ATXN10: variants seen among roughly 807,000 people sequenced by gnomAD.
The protein encoded by ATXN10 is ataxin 10, also known as ataxin-10.
Under a neutral mutation model 52.9 loss-of-function variants are expected in ATXN10, and 28 were observed. The observed-to-expected ratio is 0.53, with a 90% CI of 0.39 to 0.73. ATXN10 has a LOEUF of 0.73. Among genes scored for constraint, ATXN10 ranks in the 30% least tolerant of loss-of-function variants. The probability of loss-of-function intolerance (pLI) is 0.00; values close to 1 mark genes in which losing one functional copy is unlikely to be tolerated. For missense variants in ATXN10, 565 were observed against 577.0 expected, an observed-to-expected ratio of 0.98 and a Z score of 0.21; for synonymous variants, 226 against 221.5, an observed-to-expected ratio of 1.02 and a Z score of -0.18.
intron 9 of ATXN10, among the ~76,000 whole-genome samples, chr22:45,804,384 T>G (rs939032370): frequency 2.6e-5 from 4 of 152,228 alleles, no homozygotes; most frequent in Non-Finnish European, 5.9e-5. Flanking sequence ...CATCACACCT[T>G]CAGTGCCTGG....
At chr22:45,673,250 AT>A (rs1294116030) in intron 1 of ATXN10, 1 of 152,252 alleles carries the variant, frequency 6.6e-6, no homozygotes, top group Non-Finnish European at 1.5e-5. Flanking sequence ...CTGTACTAGT[AT>A]GTACAAGATA....
Position 45,715,729 on chromosome 22 carries a change from C to A in ATXN10, c.648-2684C>A, listed in dbSNP as rs2146770716. Among the ~76,000 whole-genome samples the A allele has an allele frequency of 6.6e-6, 1 of 152,308 alleles. No individual in the cohort carries two copies. Among genetic ancestry groups the A allele is most frequent in the East Asian group, 1.9e-4 (1 of 5,190 alleles). Reference sequence around the variant, plus strand: ...ACCTTCCCTTAGTACTTCCAAACTCCACTTTCTTTTCACCTGCATGTGTCA... The same window carrying A: ...ACCTTCCCTTAGTACTTCCAAACTCAACTTTCTTTTCACCTGCATGTGTCA... On this transcript the variant is annotated intron_variant, in intron 5 of 11. Transcript: ENST00000252934. The surrounding 1 kb of genome is among the most constrained non-coding windows in gnomAD (Gnocchi z 4.4).
intron 10 of ATXN10, among the ~76,000 whole-genome samples, chr22:45,817,425 A>G (rs1221239425): frequency 1.3e-5 from 2 of 149,470 alleles, no homozygotes. Context: ...CCTGAGTTCA[A>G]GTGATTCTTG....
rs567683857 is a variant in ATXN10, at chr22:45,731,935, G to C, written c.894+2345G>C. Among the ~76,000 whole-genome samples, 3 of 152,292 alleles carry C rather than the reference G, an allele frequency of 2.0e-5. No individual in the cohort carries two copies. The South Asian group carries it at 6.2e-4, about 32-fold the overall frequency. ...GATTTGCCTTTGTTTCCAGCAGGAG[G>C]AGCAGTGAGTCATGCTTAAGAAAAG... On this transcript the variant is annotated intron_variant, in intron 7 of 11. Coordinates refer to ENST00000252934, the MANE Select transcript of ATXN10 (RefSeq NM_013236.4).
intron 9 of ATXN10, among the ~76,000 whole-genome samples, chr22:45,764,380 C>G (rs1182704274): frequency 6.6e-6 from 1 of 152,148 alleles, no homozygotes; most frequent in Non-Finnish European, 1.5e-5. Flanking sequence ...AGCAAGGCTT[C>G]TGTTCTATAA....
rs918503360 is a variant in ATXN10 at position 45,677,488 on chromosome 22, TAAA to T, written c.116+5316_116+5318del. The T allele has an allele frequency of 3.5e-5, 5 of 141,996 alleles. No homozygotes were observed. Among genetic ancestry groups the T allele is most frequent in the African/African-American group, 1.0e-4 (4 of 38,398 alleles). The allele number at this position is 141,996 out of a possible 1,614,324, so 8.8% of individuals were successfully genotyped here. A position where few individuals can be genotyped will look rare whatever the true frequency, so the allele number is the denominator to read the frequency against. On this transcript the variant is annotated intron_variant, in intron 1 of 11. Transcript: ENST00000252934. This position sits in a 1 kb window ranked among gnomAD's most constrained non-coding sequence, Gnocchi z 4.1. The stretch of plus-strand genomic sequence containing the variant: ...TTTCGTTGGTGTTTAATTTAAAAAT[TAAA>T]AAAAAATTCAGGCCAAAAGGTCTTA...
chr22:45,799,704 T>C lies in ATXN10; in HGVS notation c.1174-7255T>C, dbSNP rs182290779. On this transcript the variant is annotated intron_variant, in intron 9 of 11. Coordinates refer to ENST00000252934, the MANE Select transcript of ATXN10 (RefSeq NM_013236.4). ...TGTAAAACAATAAATTCCTGTCTTT[T>C]ATACCATTTGGTTTGTGGTACTTTG... Among the ~76,000 whole-genome samples, 74 of 152,352 alleles carry C rather than the reference T, an allele frequency of 4.9e-4. No individual in the cohort carries two copies. In the East Asian group the frequency reaches 0.014, roughly 29 times the overall value.
At position 45,716,325 on chromosome 22, in the gene ATXN10, CT is replaced by C. The variant is rs1157868947; in HGVS notation, c.648-2070del. ...GAGAGCTTATTGCTTTGAGTGCTTC[CT>C]TTTTTTTTTTTTTTTTTGGAGATAG... On this transcript the variant is annotated intron_variant, in intron 5 of 11. Transcript: ENST00000252934. Among the ~76,000 whole-genome samples, 707 of 133,254 alleles carry C rather than the reference CT, an allele frequency of 5.3e-3. 4 individuals carry two copies. The highest frequency in any genetic ancestry group is 0.014 in the African/African-American group (499 of 36,112). 87.4% of individuals were successfully genotyped at this position (133,254 alleles called of 152,430 possible). A position where few individuals can be genotyped will look rare whatever the true frequency, so the allele number is the denominator to read the frequency against.
chr22:45,830,107 A>G (rs1165170245), intron 10 of ATXN10, among the ~76,000 whole-genome samples: 3 of 152,234 alleles, frequency 2.0e-5, no homozygotes, highest in Non-Finnish European at 4.4e-5. Context: ...TGACAACACC[A>G]TTCAGTGGAG....
At chr22:45,760,647 G>A (rs745961847) in intron 9 of ATXN10, 2 of 154,132 alleles carry the variant, frequency 1.3e-5, no homozygotes, top group Non-Finnish European at 2.9e-5. Context: ...TGTGTCCTGT[G>A]TCCTAGGCAC....
intron 5 of ATXN10, among the ~76,000 whole-genome samples, chr22:45,707,473 G>A (rs1224704001): frequency 6.6e-6 from 1 of 151,912 alleles, no homozygotes; most frequent in Admixed American, 6.6e-5. Context: ...AACATGACAG[G>A]ATCAATCATT....
chr22:45,768,572 T>C (rs1219317165), intron 9 of ATXN10, among the ~76,000 whole-genome samples: 1 of 152,212 alleles, frequency 6.6e-6, no homozygotes, highest in African/African-American at 2.4e-5. Flanking sequence ...ACTGTCAGTT[T>C]AGAGAAAATA....
In ATXN10 at chr22:45,797,543, A is replaced by G. The variant is rs1342530579; in HGVS notation, c.1174-9416A>G. 6.6e-5 allele frequency among the ~76,000 whole-genome samples: 10 copies of G among 152,330 alleles called. No individual in the cohort carries two copies. The East Asian group carries it at 1.9e-3, about 29-fold the overall frequency. ...AAAAATGGCATACCTAAATTGTAAGATGGGGATAAAGTAGTGTTTAGGAAA... is the reference window on the plus strand; with the variant it reads ...AAAAATGGCATACCTAAATTGTAAGGTGGGGATAAAGTAGTGTTTAGGAAA... On this transcript the variant is annotated intron_variant, in intron 9 of 11. Transcript: ENST00000252934.
rs1002859829 is a variant in ATXN10 at position 45,762,287 on chromosome 22, T to C, written c.1173+21749T>C. ...AGGCGCAGGGACCTCGGCTTATTTT[T>C]CTCTGTCTTTGCATTGCTTGACAGA... is the stretch of plus-strand genomic sequence containing the variant. On this transcript the variant is annotated intron_variant, in intron 9 of 11. Coordinates refer to ENST00000252934, the MANE Select transcript of ATXN10 (RefSeq NM_013236.4). This position sits in a 1 kb window ranked among gnomAD's most constrained non-coding sequence, Gnocchi z 4.3. 2.0e-5 allele frequency among the ~76,000 whole-genome samples: 3 copies of C among 152,218 alleles called. No individual in the cohort carries two copies.
At chr22:45,745,454 A>T (rs2146808783) in intron 9 of ATXN10, among the ~76,000 whole-genome samples, 1 of 152,252 alleles carries the variant, frequency 6.6e-6, no homozygotes, top group South Asian at 2.1e-4. Context: ...CTCCTCCCTG[A>T]TTTAAAATAT....
chr22:45,841,906 A>G lies in ATXN10; in HGVS notation c.1238-1085A>G, dbSNP rs907466922. On this transcript the variant is annotated intron_variant, in intron 10 of 11. Transcript: ENST00000252934. This position sits in a 1 kb window ranked among gnomAD's most constrained non-coding sequence, Gnocchi z 5.1. ...CTTGGCTCTTTAGCTCTAGGGTTTGATACCTTGTGGGGACACTGACTCCCT... is the reference window on the plus strand; with the variant it reads ...CTTGGCTCTTTAGCTCTAGGGTTTGGTACCTTGTGGGGACACTGACTCCCT... 3.9e-5 allele frequency among the ~76,000 whole-genome samples: 6 copies of G among 152,202 alleles called. No homozygotes were observed. Among genetic ancestry groups the G allele is most frequent in the African/African-American group, 7.2e-5 (3 of 41,442 alleles).
intron 10 of ATXN10, among the ~76,000 whole-genome samples, chr22:45,809,144 TA>T (rs1471121937): frequency 6.6e-6 from 1 of 152,220 alleles, no homozygotes; most frequent in Non-Finnish European, 1.5e-5. Flanking sequence ...ATCTGAGCTA[TA>T]AATTAAAATC....
chr22:45,751,692 A>G (rs1459275461), intron 9 of ATXN10, among the ~76,000 whole-genome samples: 4 of 149,216 alleles, frequency 2.7e-5, no homozygotes, highest in Non-Finnish European at 5.9e-5. Context: ...GTTAAATGAG[A>G]AAAGTGCTCT....
At chr22:45,738,212 T>C (rs1269870323) in intron 7 of ATXN10, among the ~76,000 whole-genome samples, 1 of 152,234 alleles carries the variant, frequency 6.6e-6, no homozygotes, top group Non-Finnish European at 1.5e-5. Flanking sequence ...TACCAAGATA[T>C]TGCATAGAAG....
Sources: gnomAD v4.1 joint callset for allele counts (sites outside exome capture counted in the v4.1 genomes callset) on GRCh38, gnomAD v4.1.1 for gene constraint, Gnocchi (gnomAD v3.1) non-coding constraint, MANE v1.5 for transcripts, NCBI Gene and HGNC (gene_info 2026-07-23, HGNC 2026-07-21) for gene names.